The following GINS4 variants were observed in gnomAD, a reference collection of about 807,000 sequenced individuals.
GINS4 encodes DNA replication complex GINS protein SLD5.
In GINS4, 20 loss-of-function variants were observed where a neutral mutation model predicts 31.1. The ratio of observed to expected loss-of-function variants is 0.64; its 90% CI spans 0.45 to 0.93. The LOEUF (loss-of-function observed/expected upper bound fraction) is 0.93. Among genes scored for constraint, GINS4 ranks in the 40% least tolerant of loss-of-function variants. The pLI is 0.00. For synonymous variants in GINS4, 85 were observed against 97.9 expected, an observed-to-expected ratio of 0.87 and a Z score of 0.78; for missense variants, 245 against 273.9, an observed-to-expected ratio of 0.89 and a Z score of 0.75.
chr8:41,530,558 G>A (rs1463739990), intron 2 of GINS4, among the ~76,000 whole-genome samples: 1 of 152,164 alleles, frequency 6.6e-6, no homozygotes, highest in Non-Finnish European at 1.5e-5. Context: ...ACAGAGCAAG[G>A]ATCCACGTGA....
rs1806893467 is a variant in GINS4, at chr8:41,544,146, AG to A, written c.*2061del. The A allele has an allele frequency of 6.6e-6, 1 of 152,360 alleles. No individual in the cohort carries two copies. 9.4% of individuals were successfully genotyped at this position (152,360 alleles called of 1,614,324 possible). ...CAGAGGTCAAAAGGGAGGGTGTTCC[AG>A]GCAGAGAAAACAGCCTGTGCAAAGG... On this transcript the variant is annotated 3_prime_UTR_variant, in exon 8 of 8. Transcript: ENST00000276533.
intron 6 of GINS4, among the ~76,000 whole-genome samples, chr8:41,540,608 G>T (rs925071955): frequency 1.3e-5 from 2 of 152,208 alleles, no homozygotes; most frequent in African/African-American, 4.8e-5. Flanking sequence ...GGAGGTATAG[G>T]CAGAGCCCTT....
In GINS4 at chr8:41,537,250, T is replaced by C; in HGVS notation, c.254T>C (p.Ile85Thr). The change falls in exon 4 of 8, where the codon ATC (isoleucine) becomes ACC (threonine). Residue 85 changes from isoleucine to threonine, a missense_variant. Coordinates refer to ENST00000276533, the MANE Select transcript of GINS4 (RefSeq NM_032336.3). Reference protein sequence around the residue: ...VSIHQMEMERIRYVLSSYLRC... With the variant: ...VSIHQMEMERTRYVLSSYLRC... ...ATCCACCAAATGGAGATGGAGAGGA[T>C]CCGCTACGTCCTCAGCAGCTACTTG... The C allele has an allele frequency of 6.2e-7, 1 of 1,613,956 alleles. No individual in the cohort carries two copies.
At position 41,542,227 on chromosome 8, in the gene GINS4, A is replaced by G. The variant is rs1479327446; in HGVS notation, c.*140A>G. 6 of 664,964 alleles carry G rather than the reference A, an allele frequency of 9.0e-6. No homozygotes were observed. The highest frequency in any genetic ancestry group is 1.6e-5 in the Non-Finnish European group (6 of 368,536). 41.2% of individuals were successfully genotyped at this position (664,964 alleles called of 1,614,324 possible). A position where few individuals can be genotyped will look rare whatever the true frequency, so the allele number is the denominator to read the frequency against. ...GAAACCCCATCTTTACTAAAAATAC[A>G]AAATAATTAGCCGGGTGTTGGTGGT... is the stretch of plus-strand genomic sequence containing the variant. On this transcript the variant is annotated 3_prime_UTR_variant, in exon 8 of 8. Coordinates refer to ENST00000276533, the MANE Select transcript of GINS4 (RefSeq NM_032336.3).
intron 2 of GINS4, among the ~76,000 whole-genome samples, chr8:41,532,941 T>C (rs1412163742): frequency 6.6e-6 from 1 of 152,090 alleles, no homozygotes; most frequent in Non-Finnish European, 1.5e-5. Context: ...CTAGTAAAGA[T>C]GAAGGTGCAC....
chr8:41,541,645 G>A (rs13261019), intron 6 of GINS4, among the ~76,000 whole-genome samples, 164 bp from the exon 7 acceptor site: 74,450 of 151,952 alleles, frequency 0.49, 18,920 homozygotes, highest in African/African-American at 0.62. Flanking sequence ...ATGCGTGTCC[G>A]GTTTCCTCCC....
chr8:41,531,179 G>A (rs546858130), intron 2 of GINS4, among the ~76,000 whole-genome samples: 18 of 152,294 alleles, frequency 1.2e-4, no homozygotes, highest in South Asian at 4.1e-4. Flanking sequence ...GGCTAAGGCC[G>A]GAGGATCACC....
chr8:41,541,556 C>A (rs1319509279), intron 6 of GINS4, among the ~76,000 whole-genome samples: 1 of 152,166 alleles, frequency 6.6e-6, no homozygotes, highest in Non-Finnish European at 1.5e-5. Flanking sequence ...ACACCAGGAG[C>A]AAGTCAGACC....
At chr8:41,530,136 A>G (rs960203644) in intron 1 of GINS4, 48 bp from the exon 2 acceptor site, 2 of 1,188,794 alleles carry the variant, frequency 1.7e-6, no homozygotes, top group Non-Finnish European at 2.5e-6. Context: ...GTTCTTGCAG[A>G]TAATTAGAAA....
intron 4 of GINS4, chr8:41,538,122 A>G: frequency 6.6e-6 from 1 of 152,022 alleles, no homozygotes; most frequent in East Asian, 1.9e-4. Flanking sequence ...CTCTTTAGTT[A>G]TTACAAATAA....
rs1477860327 is a variant in GINS4, at chr8:41,541,902, GAGTGGCGTGCATCTTTCAC to G, written c.575+9_575+27del. On this transcript the variant is annotated splice_donor_5th_base_variant and intron_variant, in intron 7 of 7. Coordinates refer to ENST00000276533, the MANE Select transcript of GINS4 (RefSeq NM_032336.3). ...GAACCAGACACAGATGAGCAGAGGT[GAGTGGCGTGCATCTTTCAC>G]AGTGGGCACATTCCTCCCGATGGAG... 6.2e-7 allele frequency: 1 copy of G among 1,613,882 alleles called. No individual in the cohort carries two copies. The highest frequency in any genetic ancestry group is 8.5e-7 in the Non-Finnish European group (1 of 1,179,718).
In GINS4 at chr8:41,543,145, A is replaced by G. The variant is rs1049121567; in HGVS notation, c.*1058A>G. ...ACATCATTAGACTGTGTAAACTAAC[A>G]TTTTAGAACCTCTAATATTGGACTT... On this transcript the variant is annotated 3_prime_UTR_variant, in exon 8 of 8. Coordinates refer to ENST00000276533, the MANE Select transcript of GINS4 (RefSeq NM_032336.3). The G allele has an allele frequency of 1.3e-5, 2 of 152,250 alleles. No individual in the cohort carries two copies. Among genetic ancestry groups the G allele is most frequent in the Non-Finnish European group, 2.9e-5 (2 of 68,046 alleles). 9.4% of individuals were successfully genotyped at this position (152,250 alleles called of 1,614,324 possible). A position where few individuals can be genotyped will look rare whatever the true frequency, so the allele number is the denominator to read the frequency against.
rs1036732753 is a variant in GINS4, at chr8:41,537,232, A to G, written c.236A>G (p.Gln79Arg). 3.1e-6 allele frequency: 5 copies of G among 1,613,982 alleles called. No homozygotes were observed. Among genetic ancestry groups the G allele is most frequent in the Non-Finnish European group, 4.2e-6 (5 of 1,179,940 alleles). ...GAGGACCTGAAGGTCAGCATCCACC[A>G]AATGGAGATGGAGAGGATCCGCTAC... ...KREDLKVSIHQMEMERIRYVL... is the reference protein window; with the variant it reads ...KREDLKVSIHRMEMERIRYVL... The change falls in exon 4 of 8, where the codon CAA (glutamine) becomes CGA (arginine). Residue 79 changes from glutamine (Q) to arginine (R), a missense_variant. Physicochemically the swap from Gln to Arg is conservative, Grantham distance 43 (BLOSUM62 1). Coordinates refer to ENST00000276533, the MANE Select transcript of GINS4 (RefSeq NM_032336.3).
intron 4 of GINS4, chr8:41,537,521 T>C (rs557894194): frequency 9.4e-5 from 43 of 458,454 alleles, no homozygotes; most frequent in Non-Finnish European, 1.6e-4. Flanking sequence ...ATTTTTAGTC[T>C]GTTCACCTGC....
chr8:41,533,254 A>T (rs977374454), intron 2 of GINS4, among the ~76,000 whole-genome samples: 2 of 152,242 alleles, frequency 1.3e-5, no homozygotes, highest in African/African-American at 4.8e-5. Flanking sequence ...TCAAACTTGC[A>T]AAATTATTGT....
intron 6 of GINS4, 151 bp downstream of exon 6, chr8:41,540,155 A>G (rs575691384): frequency 4.7e-6 from 3 of 644,854 alleles, no homozygotes; most frequent in African/African-American, 1.8e-5. Flanking sequence ...AACCAAAAAA[A>G]TCACGGAAAG....
rs750671145 is a variant in GINS4 at position 41,542,046 on chromosome 8, A to G, written c.631A>G (p.Ile211Val). The change falls in exon 8 of 8, where the codon ATT (isoleucine) becomes GTT (valine). Residue 211 changes from isoleucine to valine, a missense_variant. Transcript: ENST00000276533. ...ACAGCACTTGATCCGATACAAAACCATTGCACCTCTGGTTGCATCTGGAGC... is the reference window on the plus strand; with the variant it reads ...ACAGCACTTGATCCGATACAAAACCGTTGCACCTCTGGTTGCATCTGGAGC... ...GSQHLIRYKT[I>V]APLVASGAVQ... 2.5e-6 allele frequency: 4 copies of G among 1,614,132 alleles called. No homozygotes were observed. The highest frequency in any genetic ancestry group is 1.3e-5 in the African/African-American group (1 of 75,030).
At position 41,544,731 on chromosome 8, in the gene GINS4, A is replaced by G. The variant is rs909724219; in HGVS notation, c.*2644A>G. 1.4e-5 allele frequency: 2 copies of G among 145,096 alleles called. No homozygotes were observed. Among genetic ancestry groups the G allele is most frequent in the African/African-American group, 5.3e-5 (2 of 37,746 alleles). The allele number at this position is 145,096 out of a possible 1,614,324, so 9.0% of individuals were successfully genotyped here. On this transcript the variant is annotated 3_prime_UTR_variant, in exon 8 of 8. Coordinates refer to ENST00000276533, the MANE Select transcript of GINS4 (RefSeq NM_032336.3). ...TTTTATTGATATTGCACATTTGTATATGAATAAATTTTTGCAAATTAAAAA... is the reference window on the plus strand; with the variant it reads ...TTTTATTGATATTGCACATTTGTATGTGAATAAATTTTTGCAAATTAAAAA...
rs1287323123 is a variant in GINS4, at chr8:41,537,334, T to C, written c.297+41T>C. 4 of 1,394,380 alleles carry C rather than the reference T, an allele frequency of 2.9e-6. No individual in the cohort carries two copies. In the South Asian group the frequency reaches 4.8e-5, roughly 17 times the overall value. The allele number at this position is 1,394,380 out of a possible 1,614,324, so 86.4% of individuals were successfully genotyped here. A position where few individuals can be genotyped will look rare whatever the true frequency, so the allele number is the denominator to read the frequency against. Reference sequence around the variant, plus strand: ...ACCTGGAGGGATTGAGACAGCACAGTCTGTAATGCAGACTGAATGTCCTGG... The same window carrying C: ...ACCTGGAGGGATTGAGACAGCACAGCCTGTAATGCAGACTGAATGTCCTGG... On this transcript the variant is annotated intron_variant, in intron 4 of 7. Coordinates refer to ENST00000276533, the MANE Select transcript of GINS4 (RefSeq NM_032336.3).
Sources: gnomAD v4.1 joint callset for allele counts (sites outside exome capture counted in the v4.1 genomes callset) on GRCh38, gnomAD v4.1.1 for gene constraint, MANE v1.5 for transcripts, NCBI Gene and HGNC (gene_info 2026-07-23, HGNC 2026-07-21) for gene names.